Variants in CARNMT1 observed in about 807,000 individuals in gnomAD.
The protein encoded by CARNMT1 is protein-L-histidine N-pros-methyltransferase CARNMT1.
Under a neutral mutation model 49.6 loss-of-function variants are expected in CARNMT1, and 28 were observed. The observed-to-expected ratio is 0.56, with a 90% confidence interval of 0.42 to 0.77. The LOEUF (loss-of-function observed/expected upper bound fraction) is 0.77, where lower values mean the gene tolerates loss of function less well. CARNMT1 is among the 30% of genes least tolerant of loss of function. The probability of loss-of-function intolerance (pLI) is 0.00; values close to 1 mark genes in which losing one functional copy is unlikely to be tolerated. For missense variants in CARNMT1, 421 were observed against 512.6 expected, an observed-to-expected ratio of 0.82 and a Z score of 1.73; for synonymous variants, 178 against 175.0, an observed-to-expected ratio of 1.02 and a Z score of -0.13.
chr9:74,982,801 A>C lies in CARNMT1; in HGVS notation c.*966T>G, dbSNP rs1832721887. ...CACATATTTCAAATGGGTAAATTTT[A>C]TTCTTATTTTCTCTGTTTCCTAGCA... On this transcript the variant is annotated 3_prime_UTR_variant, in exon 8 of 8. Coordinates refer to ENST00000376834, the MANE Select transcript of CARNMT1 (RefSeq NM_152420.3). The C allele has an allele frequency of 6.6e-6, 1 of 152,172 alleles. No homozygotes were observed. Among genetic ancestry groups the C allele is most frequent in the Non-Finnish European group, 1.5e-5 (1 of 68,020 alleles). 9.4% of individuals were successfully genotyped at this position (152,172 alleles called of 1,614,324 possible).
intron 2 of CARNMT1, chr9:75,016,794 A>T (rs1017120686): frequency 5.4e-5 from 14 of 260,882 alleles, no homozygotes; most frequent in Non-Finnish European, 8.6e-5. Flanking sequence ...GAGTGGCCCA[A>T]CTGTATCCAT....
At chr9:74,993,785 A>T (rs1394771881) in intron 6 of CARNMT1, among the ~76,000 whole-genome samples, 1 of 151,982 alleles carries the variant, frequency 6.6e-6, no homozygotes, top group Non-Finnish European at 1.5e-5. Flanking sequence ...TTCCCTCACC[A>T]CTCCCACTGA....
At chr9:75,008,168 TAAAAA>T (rs71368697) in intron 3 of CARNMT1, among the ~76,000 whole-genome samples, 7 of 48,714 alleles carry the variant, frequency 1.4e-4, no homozygotes, top group South Asian at 1.9e-3. Context: ...GCTGATGAGC[TAAAAA>T]AAAAAAAAAA....
intron 3 of CARNMT1, among the ~76,000 whole-genome samples, chr9:75,007,567 G>C (rs1472687319): frequency 6.6e-6 from 1 of 151,266 alleles, no homozygotes; most frequent in East Asian, 1.9e-4. Flanking sequence ...CGTCTCTACT[G>C]AAAATACAAA....
At chr9:75,008,012 C>T (rs895712620) in intron 3 of CARNMT1, among the ~76,000 whole-genome samples, 39 of 151,866 alleles carry the variant, frequency 2.6e-4, no homozygotes, top group African/African-American at 9.4e-4. Context: ...GCTTCTATTA[C>T]ATTAGCAACA....
intron 3 of CARNMT1, among the ~76,000 whole-genome samples, chr9:75,009,081 T>A (rs1333669743): frequency 1.1e-4 from 15 of 136,564 alleles, no homozygotes; most frequent in South Asian, 2.4e-4. Flanking sequence ...TTTTTTTTTT[T>A]AACAAATGTA....
chr9:75,011,001 CAT>C (rs1833675881), intron 3 of CARNMT1, among the ~76,000 whole-genome samples: 1 of 151,294 alleles, frequency 6.6e-6, no homozygotes, highest in Admixed American at 6.6e-5. Context: ...GGGCAAAAGA[CAT>C]AAATATATAA....
At chr9:75,018,990 G>C (rs1414918793) in intron 1 of CARNMT1, among the ~76,000 whole-genome samples, 1 of 144,960 alleles carries the variant, frequency 6.9e-6, no homozygotes, top group South Asian at 2.2e-4. Flanking sequence ...AAAAAAAAAG[G>C]AATAAAATAT....
chr9:75,011,730 G>A (rs1833696218), intron 3 of CARNMT1, among the ~76,000 whole-genome samples: 1 of 152,128 alleles, frequency 6.6e-6, no homozygotes, highest in Non-Finnish European at 1.5e-5. Context: ...CCTCCTTGCT[G>A]GCTTGATGAA....
intron 6 of CARNMT1, among the ~76,000 whole-genome samples, chr9:74,987,972 C>T (rs192397675): frequency 1.6e-4 from 25 of 152,246 alleles, no homozygotes; most frequent in African/African-American, 6.0e-4. Flanking sequence ...TAGCTAATGT[C>T]TGGCACTGGA....
intron 3 of CARNMT1, among the ~76,000 whole-genome samples, chr9:75,002,761 G>A (rs1449828135): frequency 6.6e-6 from 1 of 151,922 alleles, no homozygotes; most frequent in African/African-American, 2.4e-5. Flanking sequence ...TTTTAAATTT[G>A]AGACAGTCTT....
At chr9:75,018,707 T>A (rs978546278) in intron 1 of CARNMT1, among the ~76,000 whole-genome samples, 2 of 152,148 alleles carry the variant, frequency 1.3e-5, no homozygotes, top group African/African-American at 4.8e-5. Flanking sequence ...GGCTCATCCC[T>A]GTAATCCCTT....
At chr9:75,014,018 CT>C (rs1833775743) in intron 3 of CARNMT1, among the ~76,000 whole-genome samples, 3 of 66,742 alleles carry the variant, frequency 4.5e-5, no homozygotes, top group African/African-American at 1.2e-4. Flanking sequence ...CATCCACTTA[CT>C]TAAAAAAAAA....
At chr9:75,018,064 A>C (rs923111536) in intron 1 of CARNMT1, among the ~76,000 whole-genome samples, 3 of 152,152 alleles carry the variant, frequency 2.0e-5, no homozygotes. Context: ...ATATTTACTT[A>C]TTATTATTAT....
Position 74,998,791 on chromosome 9 carries a change from T to C in CARNMT1, c.732-15A>G. 6.8e-7 allele frequency: 1 copy of C among 1,463,674 alleles called. No homozygotes were observed. The highest frequency in any genetic ancestry group is 2.4e-5 in the East Asian group (1 of 42,160). 90.7% of individuals were successfully genotyped at this position (1,463,674 alleles called of 1,614,324 possible). On this transcript the variant is annotated splice_polypyrimidine_tract_variant and intron_variant, in intron 4 of 7. Coordinates refer to ENST00000376834, the MANE Select transcript of CARNMT1 (RefSeq NM_152420.3). ...TTTCAGAACATCTGCAAAATATGAG[T>C]ATAAAATCAGGTGTTAACTAAATAT...
Position 74,981,879 on chromosome 9 carries a change from G to C in CARNMT1, c.*1888C>G, listed in dbSNP as rs553333835. On this transcript the variant is annotated 3_prime_UTR_variant, in exon 8 of 8. Transcript: ENST00000376834. The stretch of plus-strand genomic sequence containing the variant: ...TTTTTAAAAAATACTTATGTACTTT[G>C]CAAGTTTTCTTCTTTTAAAACAATA... The C allele has an allele frequency of 3.7e-4, 56 of 151,622 alleles. No homozygotes were observed. Among genetic ancestry groups the C allele is most frequent in the African/African-American group, 1.3e-3 (53 of 41,374 alleles). The allele number at this position is 151,622 out of a possible 1,614,324, so 9.4% of individuals were successfully genotyped here. A position where few individuals can be genotyped will look rare whatever the true frequency, so the allele number is the denominator to read the frequency against.
chr9:75,000,669 A>G (rs1833327731), intron 3 of CARNMT1, among the ~76,000 whole-genome samples: 1 of 152,220 alleles, frequency 6.6e-6, no homozygotes, highest in Non-Finnish European at 1.5e-5. Context: ...AGGAAAATGT[A>G]TACAATCAGC....
intron 1 of CARNMT1, among the ~76,000 whole-genome samples, chr9:75,021,952 A>G (rs1043031743): frequency 2.7e-4 from 40 of 149,402 alleles, no homozygotes; most frequent in Non-Finnish European, 4.8e-4. Flanking sequence ...AAAAGAGAAG[A>G]AAAAAAAAAG....
chr9:75,017,286 T>A lies in CARNMT1; in HGVS notation c.393A>T (p.Ile131=), dbSNP rs768408760. Residue 131 remains isoleucine, a synonymous_variant, in exon 2 of 8, where the codon ATA becomes ATT. Coordinates refer to ENST00000376834, the MANE Select transcript of CARNMT1 (RefSeq NM_152420.3). ...CATATTCTTTATTTTCAAACATATG[T>A]ATGCAATCATTCACAATGGTCAGTA... is the stretch of plus-strand genomic sequence containing the variant. ...EILLTIVNDC[I]HMFENKEYGE... 1.7e-5 allele frequency: 28 copies of A among 1,613,428 alleles called. No individual in the cohort carries two copies. The highest frequency in any genetic ancestry group is 1.4e-5 in the Non-Finnish European group (16 of 1,179,542).
Sources: allele counts gnomAD v4.1 joint callset (sites outside exome capture counted in the v4.1 genomes callset), GRCh38; gene constraint gnomAD v4.1.1; transcripts MANE v1.5; gene names NCBI Gene and HGNC (gene_info 2026-07-23, HGNC 2026-07-21).